Variants in NAV1 observed in about 807,000 individuals in gnomAD.
NAV1 encodes neuron navigator 1.
Under a neutral mutation model 175.2 loss-of-function variants are expected in NAV1, and 18 were observed. The observed-to-expected ratio is 0.10, with a 90% CI of 0.07 to 0.15. The LOEUF (loss-of-function observed/expected upper bound fraction) is 0.15, where lower values mean the gene tolerates loss of function less well. Ranked by LOEUF, NAV1 falls within the 10% of genes least tolerant of loss-of-function variation. NAV1 has a pLI of 1.00. For synonymous variants in NAV1, 897 were observed against 978.7 expected (o/e 0.92, Z 1.56); for missense variants, 1,731 against 2,436.6 (o/e 0.71, Z 6.10).
chr1:201,543,543 G>C (rs1343993120), intron 1 of NAV1, among the ~76,000 whole-genome samples: 1 of 148,120 alleles, frequency 6.8e-6, no homozygotes, highest in Non-Finnish European at 1.5e-5. Context: ...TTTTTCCCCT[G>C]TAAAAAGACA....
exon 4 of NAV1, chr1:201,780,510 A>G (rs748656018): frequency 6.2e-7 from 1 of 1,613,828 alleles, no homozygotes; most frequent in Admixed American, 1.7e-5. Flanking sequence ...TCCTCACTCA[A>G]CTCCCTCCCA....
chr1:201,714,889 C>T (rs1241421899), intron 2 of NAV1, among the ~76,000 whole-genome samples: 2 of 152,158 alleles, frequency 1.3e-5, no homozygotes, highest in East Asian at 1.9e-4. Context: ...TCCGTTAAGC[C>T]GGACAGCTTG....
rs77109921 is a variant in NAV1 at position 201,705,554 on chromosome 1, A to G, written c.758-7263A>G. On this transcript the variant is annotated intron_variant, in intron 1 of 29. Transcript: ENST00000367296. ...CTCCCCTGGGGAGCAGGAGCACTCAACTACGAGAAGCATGAGATTTGCCAT... is the reference window on the plus strand; with the variant it reads ...CTCCCCTGGGGAGCAGGAGCACTCAGCTACGAGAAGCATGAGATTTGCCAT... Among the ~76,000 whole-genome samples the G allele has an allele frequency of 8.4e-3, 1,283 of 152,302 alleles. 15 individuals carry two copies. Among genetic ancestry groups the G allele is most frequent in the African/African-American group, 0.029 (1,218 of 41,560 alleles).
intron 1 of NAV1, among the ~76,000 whole-genome samples, chr1:201,700,727 C>T (rs1181246238): frequency 2.6e-5 from 4 of 152,112 alleles, no homozygotes; most frequent in Non-Finnish European, 5.9e-5. Flanking sequence ...AAATGTAGCA[C>T]ATTGCCGGGC....
At chr1:201,719,827 A>G (rs67146338) in intron 3 of NAV1, among the ~76,000 whole-genome samples, 42,993 of 151,722 alleles carry the variant, frequency 0.28, 6,298 homozygotes, top group Admixed American at 0.33. Context: ...CCTCTCCCCA[A>G]TAAAAATCCC....
intron 1 of NAV1, among the ~76,000 whole-genome samples, chr1:201,680,399 G>A (rs945624478): frequency 5.9e-5 from 9 of 151,988 alleles, no homozygotes; most frequent in South Asian, 2.1e-4. Flanking sequence ...CCAGCTACTC[G>A]GGAGGCTGAG....
rs1678813734 is a variant in NAV1, at chr1:201,813,395, G to A, written c.5340+137G>A. On this transcript the variant is annotated intron_variant, in intron 28 of 29. Coordinates refer to ENST00000367296, the Ensembl canonical transcript of NAV1. The surrounding 1 kb of genome is among the most constrained non-coding windows in gnomAD (Gnocchi z 4.2). Reference sequence around the variant, plus strand: ...TTCTAACAGGTGGAGCAAGGCACTGGGTAGACTAAGCTGCTTTCCTGCCTC... The same window carrying A: ...TTCTAACAGGTGGAGCAAGGCACTGAGTAGACTAAGCTGCTTTCCTGCCTC... The A allele has an allele frequency of 1.6e-6, 1 of 619,118 alleles. No individual in the cohort carries two copies. The highest frequency in any genetic ancestry group is 1.9e-5 in the African/African-American group (1 of 53,976). The allele number at this position is 619,118 out of a possible 1,614,324, so 38.4% of individuals were successfully genotyped here. A position where few individuals can be genotyped will look rare whatever the true frequency, so the allele number is the denominator to read the frequency against.
chr1:201,753,856 A>G (rs1674292471), intron 3 of NAV1, among the ~76,000 whole-genome samples: 1 of 152,184 alleles, frequency 6.6e-6, no homozygotes. Flanking sequence ...TACACAAAAG[A>G]AGGGACCAAT....
intron 1 of NAV1, among the ~76,000 whole-genome samples, chr1:201,679,162 G>C (rs939197115): frequency 2.6e-5 from 4 of 152,200 alleles, no homozygotes; most frequent in Admixed American, 1.3e-4. Context: ...TTAAGGCAGA[G>C]GGAGGCCAGC....
intron 3 of NAV1, among the ~76,000 whole-genome samples, chr1:201,764,153 C>A (rs897453151): frequency 2.0e-5 from 3 of 152,120 alleles, no homozygotes; most frequent in Non-Finnish European, 4.4e-5. Context: ...TAGCCTGAAT[C>A]ATAGAGGTGG....
rs574185426 is a variant in NAV1 at position 201,642,198 on chromosome 1, T to C, written c.5-6436T>C. On this transcript the variant is annotated intron_variant, in intron 2 of 29. Coordinates refer to the NAV1 transcript ENST00000367302. Reference sequence around the variant, plus strand: ...CTTCCTTCCTTCCTTCCCTCCTTTCTTCCTTTCTTCCTTCCCTCCTTTCTT... The same window carrying C: ...CTTCCTTCCTTCCTTCCCTCCTTTCCTCCTTTCTTCCTTCCCTCCTTTCTT... 3.1e-3 allele frequency among the ~76,000 whole-genome samples: 435 copies of C among 140,450 alleles called. 5 individuals are homozygous for C. Among genetic ancestry groups the C allele is most frequent in the African/African-American group, 0.011 (412 of 36,898 alleles). 92.1% of individuals were successfully genotyped at this position (140,450 alleles called of 152,430 possible).
At chr1:201,775,815 TG>T (rs1675904438) in intron 3 of NAV1, among the ~76,000 whole-genome samples, 1 of 152,168 alleles carries the variant, frequency 6.6e-6, no homozygotes, top group Non-Finnish European at 1.5e-5. Flanking sequence ...CCCAGCACTT[TG>T]GGAGGCTGAG....
chr1:201,562,599 C>G (rs537072929), intron 1 of NAV1, among the ~76,000 whole-genome samples: 1 of 152,164 alleles, frequency 6.6e-6, no homozygotes, highest in Non-Finnish European at 1.5e-5. Context: ...GAAAGGATCC[C>G]GGCAGGACTG....
intron 1 of NAV1, among the ~76,000 whole-genome samples, chr1:201,671,524 C>G (rs780039332): frequency 6.6e-6 from 1 of 152,202 alleles, no homozygotes; most frequent in Non-Finnish European, 1.5e-5. Context: ...GCAAGTCATT[C>G]TACCTCCTGG....
rs1676891891 is a variant in NAV1, at chr1:201,788,265, C to A, written c.2996-203C>A. Among the ~76,000 whole-genome samples, 1 of 152,148 alleles carries A rather than the reference C, an allele frequency of 6.6e-6. No homozygotes were observed. The highest frequency in any genetic ancestry group is 2.4e-5 in the African/African-American group (1 of 41,420). On this transcript the variant is annotated intron_variant, in intron 9 of 29. Coordinates refer to ENST00000367296, the Ensembl canonical transcript of NAV1. This position sits in a 1 kb window ranked among gnomAD's most constrained non-coding sequence, Gnocchi z 5.7. Reference sequence around the variant, plus strand: ...GGGTCCTTCTCCATTAGGGCTTGATCTCCCCAGGAGGGACCCCGCTCCTAA... The same window carrying A: ...GGGTCCTTCTCCATTAGGGCTTGATATCCCCAGGAGGGACCCCGCTCCTAA...
chr1:201,660,420 G>C (rs146618793), intron 1 of NAV1, among the ~76,000 whole-genome samples: 1 of 152,194 alleles, frequency 6.6e-6, no homozygotes, highest in African/African-American at 2.4e-5. Context: ...GCTCCTAGGA[G>C]CACCAGCGTC....
chr1:201,775,966 AAGATCACTTG>A (rs1424783445), intron 3 of NAV1, among the ~76,000 whole-genome samples: 3 of 152,012 alleles, frequency 2.0e-5, no homozygotes, highest in Non-Finnish European at 4.4e-5. Context: ...CTGAAGCAGA[AAGATCACTTG>A]AGCCCAGGAG....
At chr1:201,662,155 G>A (rs1021984785) in intron 1 of NAV1, among the ~76,000 whole-genome samples, 2 of 152,204 alleles carry the variant, frequency 1.3e-5, no homozygotes, top group African/African-American at 4.8e-5. Flanking sequence ...CATCCCACAG[G>A]CATCGTAAGC....
rs144856435 is a variant in NAV1 at position 201,609,136 on chromosome 1, C to A, written c.-32-13717C>A. Among the ~76,000 whole-genome samples the A allele has an allele frequency of 1.6e-3, 249 of 152,338 alleles. 1 individual carries two copies. The highest frequency in any genetic ancestry group is 5.7e-3 in the African/African-American group (239 of 41,574). On this transcript the variant is annotated intron_variant, in intron 2 of 33. Coordinates refer to the NAV1 transcript ENST00000685211. ...GTCCAGTGTTCTGACTCCTGGGCTG[C>A]ATGTGACTGCTGGGCCTGCTGCCAG...
Sources: allele counts gnomAD v4.1 joint callset (sites outside exome capture counted in the v4.1 genomes callset), GRCh38; gene constraint gnomAD v4.1.1; non-coding constraint Gnocchi (gnomAD v3.1); transcripts MANE v1.5; gene names NCBI Gene and HGNC (gene_info 2026-07-23, HGNC 2026-07-21).